TNNI3K: variants seen among roughly 807,000 people sequenced by gnomAD.
TNNI3K encodes serine/threonine-protein kinase TNNI3K.
TNNI3K carries 140 observed loss-of-function variants against 114.5 expected under a neutral mutation model. The observed-to-expected ratio is 1.22, with a 90% confidence interval of 1.07 to 1.41. The LOEUF is 1.41. Ranked by LOEUF, TNNI3K falls within the 40% of genes most tolerant of loss-of-function variation. TNNI3K has a pLI of 0.00. For missense variants in TNNI3K, 1,125 were observed against 1,007.6 expected (o/e 1.12, Z -1.58); for synonymous variants, 347 against 347.5 (o/e 1.00, Z 0.02).
chr1:74,446,362 C>T (rs1407713173), intron 20 of TNNI3K, among the ~76,000 whole-genome samples: 1 of 148,516 alleles, frequency 6.7e-6, no homozygotes, highest in Non-Finnish European at 1.5e-5. Context: ...CTGTTCATGT[C>T]CTTCGCCCAC....
intron 4 of TNNI3K, among the ~76,000 whole-genome samples, chr1:74,267,365 C>T (rs1312364996): frequency 1.3e-5 from 2 of 151,868 alleles, no homozygotes; most frequent in African/African-American, 4.8e-5. Context: ...AGTATGTCCT[C>T]TCAAGTTTTT....
chr1:74,499,007 C>T (rs1212758839), intron 23 of TNNI3K, among the ~76,000 whole-genome samples: 1 of 152,122 alleles, frequency 6.6e-6, no homozygotes, highest in Non-Finnish European at 1.5e-5. Flanking sequence ...TTGACTCATT[C>T]ATTTTATATT....
chr1:74,380,560 A>G (rs1257249714), intron 17 of TNNI3K, among the ~76,000 whole-genome samples: 2 of 152,134 alleles, frequency 1.3e-5, no homozygotes, highest in Non-Finnish European at 2.9e-5. Flanking sequence ...GCTTTCCTGT[A>G]ACTGGTGGTG....
intron 4 of TNNI3K, among the ~76,000 whole-genome samples, chr1:74,258,019 G>A (rs969904311): frequency 5.9e-5 from 9 of 152,074 alleles, no homozygotes; most frequent in African/African-American, 1.9e-4. Flanking sequence ...CCTGAACATG[G>A]TGCTTACTCC....
At chr1:74,361,191 T>C (rs1661947685) in intron 11 of TNNI3K, among the ~76,000 whole-genome samples, 1 of 152,126 alleles carries the variant, frequency 6.6e-6, no homozygotes, top group African/African-American at 2.4e-5. Flanking sequence ...AAAGCTCCTC[T>C]TTCCATGCAT....
intron 17 of TNNI3K, among the ~76,000 whole-genome samples, chr1:74,411,048 A>G (rs1664855175): frequency 6.6e-6 from 1 of 152,298 alleles, no homozygotes; most frequent in East Asian, 1.9e-4. Flanking sequence ...TCAGGGCTCA[A>G]AAAGTTCTAA....
At chr1:74,471,931 C>T (rs1168268327) in intron 21 of TNNI3K, 1 of 502,756 alleles carries the variant, frequency 2.0e-6, no homozygotes, top group Non-Finnish European at 3.5e-6. Flanking sequence ...CTGAAAATAC[C>T]TAGGTTTGCT....
chr1:74,463,508 C>T lies in TNNI3K; in HGVS notation c.2079C>T (p.Pro693=). The T allele has an allele frequency of 1.2e-6, 2 of 1,614,204 alleles. No homozygotes were observed. The highest frequency in any genetic ancestry group is 1.6e-4 in the Middle Eastern group (1 of 6,062). The change falls in exon 21 of 25, where the codon CCC becomes CCT. Residue 693 remains proline (P), a synonymous_variant. Coordinates refer to ENST00000326637, the MANE Select transcript of TNNI3K (RefSeq NM_015978.3). ...CCATTGGCTATTCCATTCCCAAGCCCATATCATCTCTGCTGATACGAGGGT... is the reference window on the plus strand; with the variant it reads ...CCATTGGCTATTCCATTCCCAAGCCTATATCATCTCTGCTGATACGAGGGT... ...RPPIGYSIPK[P]ISSLLIRGWN...
intron 5 of TNNI3K, among the ~76,000 whole-genome samples, chr1:74,290,356 T>C (rs950140992): frequency 5.9e-5 from 9 of 151,722 alleles, no homozygotes; most frequent in African/African-American, 1.9e-4. Flanking sequence ...AATATATAAA[T>C]AATTAATTTA....
chr1:74,478,896 A>G (rs1161193246), intron 21 of TNNI3K, among the ~76,000 whole-genome samples: 1 of 152,206 alleles, frequency 6.6e-6, no homozygotes, highest in Non-Finnish European at 1.5e-5. Context: ...AATTACTGAC[A>G]TAGTTACATG....
At chr1:74,363,934 C>T (rs1348623427) in intron 11 of TNNI3K, among the ~76,000 whole-genome samples, 1 of 148,798 alleles carries the variant, frequency 6.7e-6, no homozygotes, top group African/African-American at 2.5e-5. Flanking sequence ...AAAAAAAAAC[C>T]TTAGAATCTG....
chr1:74,523,803 C>A (rs1483791716), intron 23 of TNNI3K, among the ~76,000 whole-genome samples: 6 of 152,288 alleles, frequency 3.9e-5, no homozygotes, highest in Admixed American at 3.9e-4. Flanking sequence ...TACTTAAGTT[C>A]TGGGATACAT....
chr1:74,353,205 GC>G, intron 9 of TNNI3K, 60 bp from the exon 10 acceptor site: 1 of 1,562,924 alleles, frequency 6.4e-7, no homozygotes, highest in East Asian at 2.3e-5. Context: ...AGGGGAGAGG[GC>G]ACAATTTAGT....
At chr1:74,410,048 G>A (rs888164332) in intron 17 of TNNI3K, among the ~76,000 whole-genome samples, 3 of 152,026 alleles carry the variant, frequency 2.0e-5, no homozygotes, top group African/African-American at 7.2e-5. Flanking sequence ...AGATAGTTAA[G>A]CTGCAAGAAT....
chr1:74,429,375 C>G (rs1016234432), intron 17 of TNNI3K, among the ~76,000 whole-genome samples: 2 of 152,000 alleles, frequency 1.3e-5, no homozygotes, highest in African/African-American at 4.8e-5. Flanking sequence ...GGAAAGGGTA[C>G]AAAGATCCAA....
intron 9 of TNNI3K, among the ~76,000 whole-genome samples, chr1:74,344,543 A>G (rs535444330): frequency 6.6e-6 from 1 of 152,282 alleles, no homozygotes; most frequent in East Asian, 1.9e-4. Context: ...AGTCAAATGG[A>G]TCAGTGGAAT....
chr1:74,339,247 A>C (rs552446042), intron 7 of TNNI3K, among the ~76,000 whole-genome samples: 28 of 152,158 alleles, frequency 1.8e-4, no homozygotes, highest in Non-Finnish European at 3.1e-4. Flanking sequence ...CAAGTATTAC[A>C]TGCCTCTTAT....
intron 21 of TNNI3K, among the ~76,000 whole-genome samples, chr1:74,479,090 T>C (rs1228819977): frequency 6.6e-6 from 1 of 152,110 alleles, no homozygotes; most frequent in Non-Finnish European, 1.5e-5. Context: ...AGAATAATGA[T>C]TTATAGCACA....
intron 23 of TNNI3K, among the ~76,000 whole-genome samples, chr1:74,514,456 G>A (rs1327145348): frequency 2.0e-5 from 3 of 152,146 alleles, no homozygotes; most frequent in Non-Finnish European, 2.9e-5. Context: ...AATTGCTGTT[G>A]TTCTCTACTA....
Sources: allele counts gnomAD v4.1 joint callset (sites outside exome capture counted in the v4.1 genomes callset), GRCh38; gene constraint gnomAD v4.1.1; transcripts MANE v1.5; gene names NCBI Gene and HGNC (gene_info 2026-07-23, HGNC 2026-07-21).